Variants in KRT75 observed in about 807,000 individuals in gnomAD.
KRT75 encodes the protein keratin, type II cytoskeletal 75.
In KRT75, 35 loss-of-function variants were observed where a neutral mutation model predicts 48.8. That is an observed-to-expected ratio of 0.72 (90% CI 0.55 to 0.95). The LOEUF is 0.95. KRT75 is among the 40% of genes least tolerant of loss of function. KRT75 has a pLI of 0.00. For missense variants in KRT75, 776 were observed against 709.9 expected, an observed-to-expected ratio of 1.09 and a Z score of -1.06; for synonymous variants, 301 against 282.3, an observed-to-expected ratio of 1.07 and a Z score of -0.66.
chr12:52,431,748 T>G, intron 3 of KRT75, 110 bp from the exon 4 acceptor site: 1 of 899,972 alleles, frequency 1.1e-6, no homozygotes, highest in Non-Finnish European at 1.8e-6. Flanking sequence ...TTTAGAAAAC[T>G]CTGGGTCTGG....
chr12:52,433,363 G>T, intron 1 of KRT75, 111 bp from the exon 2 acceptor site: 1 of 982,000 alleles, frequency 1.0e-6, no homozygotes, highest in Non-Finnish European at 1.6e-6. Context: ...GGCACCCATT[G>T]ACAATAATGT....
intron 3 of KRT75, 134 bp downstream of exon 3, chr12:52,431,872 G>C: frequency 2.3e-6 from 2 of 886,236 alleles, no homozygotes; most frequent in Non-Finnish European, 3.7e-6. Flanking sequence ...AACATGTTGG[G>C]AGGTTTGAAC....
intron 7 of KRT75, 72 bp from the exon 8 acceptor site, chr12:52,426,923 T>C: frequency 7.9e-7 from 1 of 1,263,796 alleles, no homozygotes; most frequent in Non-Finnish European, 1.2e-6. Context: ...GCAATGACAC[T>C]TTTGTAATTG....
In KRT75 at chr12:52,424,714, T is replaced by C. The variant is rs745345526; in HGVS notation, c.1459A>G (p.Ser487Gly). ...STLSSGYGSG[S>G]SIGGGNLGLG... is the part of the protein sequence containing the mutation. ...CCCAGGTTTCCACCTCCAATGCTGC[T>C]GCCGCTTCCATAGCCACTGGAAAGA... The change falls in exon 9 of 9, where the codon AGC becomes GGC. Residue 487 changes from serine to glycine, a missense_variant. By Grantham distance (56) the Ser-to-Gly change is moderately conservative (BLOSUM62 0). Coordinates refer to ENST00000252245, the MANE Select transcript of KRT75 (RefSeq NM_004693.3). The C allele has an allele frequency of 1.2e-6, 2 of 1,613,954 alleles. No homozygotes were observed. The highest frequency in any genetic ancestry group is 3.3e-5 in the Admixed American group (2 of 60,018).
intron 6 of KRT75, 37 bp from the exon 7 acceptor site, chr12:52,428,513 A>C: frequency 1.2e-6 from 2 of 1,611,960 alleles, no homozygotes; most frequent in Non-Finnish European, 1.7e-6. Flanking sequence ...TCCTGCTGAC[A>C]GCCCATGGAG....
Position 52,434,269 on chromosome 12 carries a change from G to T in KRT75, c.36C>A (p.Gly12=). The change falls in exon 1 of 9, where the codon GGC becomes GGA. Residue 12 remains glycine, a synonymous_variant. Transcript: ENST00000252245. ...SRQSSITFQS[G]SRRGFSTTSA... is the part of the protein sequence containing the mutation. The stretch of plus-strand genomic sequence containing the variant: ...AGGTGGTGCTGAAGCCCCTGCGGCT[G>T]CCAGACTGGAAGGTGATGGAGGACT... 1 of 1,587,506 alleles carries T rather than the reference G, an allele frequency of 6.3e-7. No homozygotes were observed. The highest frequency in any genetic ancestry group is 8.5e-7 in the Non-Finnish European group (1 of 1,171,280).
rs929240502 is a variant in KRT75, at chr12:52,434,107, C to T, written c.198G>A (p.Gly66=). 1 of 1,614,204 alleles carries T rather than the reference C, an allele frequency of 6.2e-7. No individual in the cohort carries two copies. Residue 66 remains glycine, a synonymous_variant, in exon 1 of 9, where the codon GGG becomes GGA. Transcript: ENST00000252245. ...SFGSRSLYNL[G]GAKRVSINGC... Reference sequence around the variant, plus strand: ...CATTGATGGAGACCCGCTTGGCACCCCCCAGGTTGTAGAGGCTGCGGCTTC... The same window carrying T: ...CATTGATGGAGACCCGCTTGGCACCTCCCAGGTTGTAGAGGCTGCGGCTTC...
intron 4 of KRT75, 142 bp from the exon 5 acceptor site, chr12:52,430,847 C>T (rs996469401): frequency 3.1e-5 from 29 of 950,808 alleles, no homozygotes; most frequent in Non-Finnish European, 4.3e-5. Context: ...TATTCCCATT[C>T]ATCCCAAAAG....
Position 52,430,623 on chromosome 12 carries a change from C to T in KRT75, c.953G>A (p.Ser318Asn), listed in dbSNP as rs1162267528. ...MDNNRNLDLD[S>N]IIAEVKAQYE... ...TTGTGCTTTGACCTCGGCGATGATA[C>T]TATCCAGGTCCAGGTTGCGGTTGTT... The change falls in exon 5 of 9, where the codon AGT becomes AAT. Residue 318 changes from serine (S) to asparagine (N), a missense_variant. Ser to Asn is a conservative substitution (Grantham distance 46, BLOSUM62 1). Transcript: ENST00000252245. 3 of 1,614,188 alleles carry T rather than the reference C, an allele frequency of 1.9e-6. No homozygotes were observed. The highest frequency in any genetic ancestry group is 1.7e-5 in the Admixed American group (1 of 60,020).
Position 52,424,718 on chromosome 12 carries a change from G to T in KRT75, c.1455C>A (p.Ser485Arg), listed in dbSNP as rs749230989. The T allele has an allele frequency of 1.9e-6, 3 of 1,613,982 alleles. No homozygotes were observed. ...GGTTTCCACCTCCAATGCTGCTGCC[G>T]CTTCCATAGCCACTGGAAAGAGTAG... ...VTSTLSSGYGSGSSIGGGNLG... is the reference protein window; with the variant it reads ...VTSTLSSGYGRGSSIGGGNLG... The change falls in exon 9 of 9, where the codon AGC becomes AGA. Residue 485 changes from serine (S) to arginine (R), a missense_variant. Coordinates refer to ENST00000252245, the MANE Select transcript of KRT75 (RefSeq NM_004693.3).
In KRT75 at chr12:52,434,306, G is replaced by T; in HGVS notation, c.-2C>A. The T allele has an allele frequency of 1.3e-6, 2 of 1,586,242 alleles. No homozygotes were observed. The highest frequency in any genetic ancestry group is 1.7e-6 in the Non-Finnish European group (2 of 1,172,978). On this transcript the variant is annotated 5_prime_UTR_variant, in exon 1 of 9. Transcript: ENST00000252245. The stretch of plus-strand genomic sequence containing the variant: ...GGTGATGGAGGACTGCCGAGACATG[G>T]TGGGTGAGGAAGGCCGGCGAGAAGG...
At chr12:52,425,273 A>C (rs1003806414) in intron 8 of KRT75, among the ~76,000 whole-genome samples, 1 of 152,146 alleles carries the variant, frequency 6.6e-6, no homozygotes, top group Non-Finnish European at 1.5e-5. Flanking sequence ...TCTTCTCCTA[A>C]TTTATAACTC....
intron 7 of KRT75, among the ~76,000 whole-genome samples, chr12:52,427,390 CAA>C (rs1412255033): frequency 6.6e-6 from 1 of 152,232 alleles, no homozygotes; most frequent in East Asian, 1.9e-4. Context: ...AGAAACTTAA[CAA>C]GAGGTAACAG....
intron 5 of KRT75, among the ~76,000 whole-genome samples, chr12:52,429,583 G>A (rs1252082916): frequency 6.6e-6 from 1 of 152,168 alleles, no homozygotes; most frequent in Non-Finnish European, 1.5e-5. Context: ...AGGTATACAT[G>A]ATTAAATGGA....
rs146620205 is a variant in KRT75 at position 52,433,061 on chromosome 12, A to T, written c.690T>A (p.Asp230Glu). 2 of 1,611,760 alleles carry T rather than the reference A, an allele frequency of 1.2e-6. No individual in the cohort carries two copies. Among genetic ancestry groups the T allele is most frequent in the African/African-American group, 2.7e-5 (2 of 74,098 alleles). ...RLEAELRNMQ[D>E]VVEDFKVRYE... ...ACCTGACTTTGAAATCTTCCACAAC[A>T]TCCTGCATGTTCCTCAGTTCAGCTT... The change falls in exon 2 of 9, where the codon GAT (aspartate) becomes GAA (glutamate). Residue 230 changes from aspartate (D) to glutamate (E), a missense_variant. Asp to Glu is a conservative substitution (Grantham distance 45, BLOSUM62 2). Transcript: ENST00000252245.
chr12:52,424,313 G>A lies in KRT75; in HGVS notation c.*204C>T, dbSNP rs1002221608. 2.8e-5 allele frequency: 19 copies of A among 690,122 alleles called. No individual in the cohort carries two copies. The highest frequency in any genetic ancestry group is 4.0e-4 in the Middle Eastern group (1 of 2,490). 42.7% of individuals were successfully genotyped at this position (690,122 alleles called of 1,614,324 possible). A position where few individuals can be genotyped will look rare whatever the true frequency, so the allele number is the denominator to read the frequency against. Reference sequence around the variant, plus strand: ...GAGAGAGCAGGCTTTGGTTTCACATGTGTAACAGACGGGTGCTGCTGGCAG... The same window carrying A: ...GAGAGAGCAGGCTTTGGTTTCACATATGTAACAGACGGGTGCTGCTGGCAG... On this transcript the variant is annotated 3_prime_UTR_variant, in exon 9 of 9. Coordinates refer to ENST00000252245, the MANE Select transcript of KRT75 (RefSeq NM_004693.3).
intron 8 of KRT75, 71 bp downstream of exon 8, chr12:52,426,746 G>A: frequency 6.8e-7 from 1 of 1,463,128 alleles, no homozygotes; most frequent in Non-Finnish European, 9.6e-7. Flanking sequence ...TCACCCTCTG[G>A]CAAGCCCACC....
At chr12:52,427,705 T>C (rs926648683) in intron 7 of KRT75, among the ~76,000 whole-genome samples, 3 of 152,244 alleles carry the variant, frequency 2.0e-5, no homozygotes, top group Non-Finnish European at 4.4e-5. Flanking sequence ...TTTAGAACTA[T>C]TGTTATTCAC....
At chr12:52,432,948 A>C (rs1230084727) in intron 2 of KRT75, 90 bp downstream of exon 2, 10 of 1,314,882 alleles carry the variant, frequency 7.6e-6, no homozygotes, top group Admixed American at 1.7e-5. Context: ...CCCGGCTGAT[A>C]TCGGCATTTG....
Sources: allele counts gnomAD v4.1 joint callset (sites outside exome capture counted in the v4.1 genomes callset), GRCh38; gene constraint gnomAD v4.1.1; transcripts MANE v1.5; gene names NCBI Gene and HGNC (gene_info 2026-07-23, HGNC 2026-07-21).